The following MED13L variants were observed in gnomAD, a reference collection of about 807,000 sequenced individuals.
The protein encoded by MED13L is mediator complex subunit 13L.
A neutral mutation model predicts 220.9 loss-of-function variants in MED13L; 7 were observed. That is an observed-to-expected ratio of 0.03 (90% CI 0.02 to 0.06). The LOEUF (loss-of-function observed/expected upper bound fraction) is 0.06. MED13L is among the 10% of genes least tolerant of loss of function. The pLI is 1.00. For synonymous variants in MED13L, 1,011 were observed against 1,015.2 expected, an observed-to-expected ratio of 1.00 and a Z score of 0.08; for missense variants, 1,965 against 2,760.5, an observed-to-expected ratio of 0.71 and a Z score of 6.46.
chr12:116,263,267 T>TA (rs139278566), intron 1 of MED13L, among the ~76,000 whole-genome samples: 9,759 of 151,692 alleles, frequency 0.064, 405 homozygotes, highest in African/African-American at 0.11. Flanking sequence ...TTTTATTATG[T>TA]AAAAAAAACT....
At chr12:116,008,342 T>G in intron 10 of MED13L, 59 bp downstream of exon 10, 5 of 1,542,006 alleles carry the variant, frequency 3.2e-6, no homozygotes, top group Middle Eastern at 4.9e-4. Flanking sequence ...CAGGTAGAGA[T>G]GGGGAGGGAG....
intron 2 of MED13L, among the ~76,000 whole-genome samples, chr12:116,153,538 T>A (rs1270323166): frequency 6.6e-6 from 1 of 152,090 alleles, no homozygotes; most frequent in Non-Finnish European, 1.5e-5. Flanking sequence ...CCACATACAA[T>A]AAAGAATTAA....
intron 17 of MED13L, among the ~76,000 whole-genome samples, chr12:115,988,635 C>T (rs545393421): frequency 1.4e-4 from 22 of 152,326 alleles, no homozygotes; most frequent in African/African-American, 5.3e-4. Context: ...ATTCCTGTGC[C>T]TGCAAAATAG....
intron 1 of MED13L, among the ~76,000 whole-genome samples, chr12:116,268,613 T>A (rs550087285): frequency 6.3e-4 from 95 of 151,676 alleles, no homozygotes; most frequent in African/African-American, 2.2e-3. Flanking sequence ...AGTGAGACCC[T>A]ATCTCCCCTC....
At chr12:116,157,596 A>G (rs1001532686) in intron 2 of MED13L, among the ~76,000 whole-genome samples, 1 of 152,238 alleles carries the variant, frequency 6.6e-6, no homozygotes, top group African/African-American at 2.4e-5. Flanking sequence ...TGAGTGCAAG[A>G]GCACTATGCA....
At chr12:116,115,243 G>A (rs940376790) in intron 2 of MED13L, among the ~76,000 whole-genome samples, 3 of 152,088 alleles carry the variant, frequency 2.0e-5, no homozygotes, top group African/African-American at 7.2e-5. Context: ...CAAAAATTGA[G>A]CCACAAATTC....
At chr12:115,974,707 G>C (rs1185741448) in intron 25 of MED13L, among the ~76,000 whole-genome samples, 1 of 152,164 alleles carries the variant, frequency 6.6e-6, no homozygotes, top group Non-Finnish European at 1.5e-5. Flanking sequence ...GCAACTACTT[G>C]TCCTCATGAA....
chr12:116,233,739 G>C lies in MED13L; in HGVS notation c.310+3729C>G, dbSNP rs1869803268. Among the ~76,000 whole-genome samples, 7 of 152,156 alleles carry C rather than the reference G, an allele frequency of 4.6e-5. No homozygotes were observed. In the South Asian group the frequency reaches 1.5e-3, roughly 32 times the overall value. The stretch of plus-strand genomic sequence containing the variant: ...AGGCACAGTTTAAGTTAAATAATTA[G>C]ATCAAGAATACACAGCTAGTGACTA... On this transcript the variant is annotated intron_variant, in intron 2 of 30. Transcript: ENST00000281928.
chr12:116,009,814 G>A (rs1364992878), intron 9 of MED13L, among the ~76,000 whole-genome samples: 1 of 152,088 alleles, frequency 6.6e-6, no homozygotes, highest in Admixed American at 6.6e-5. Flanking sequence ...AACCAAGTCG[G>A]CTCACATCTT....
chr12:116,132,275 G>A (rs1306653394), intron 2 of MED13L, among the ~76,000 whole-genome samples: 13 of 118,334 alleles, frequency 1.1e-4, no homozygotes, highest in Non-Finnish European at 5.0e-5. Flanking sequence ...GCAATACTTC[G>A]TCTCAAAAAA....
rs1158441616 is a variant in MED13L, at chr12:116,176,524, A to ACTGGC, written c.310+60939_310+60943dup. Among the ~76,000 whole-genome samples, 4 of 152,308 alleles carry ACTGGC rather than the reference A, an allele frequency of 2.6e-5. No individual in the cohort carries two copies. The East Asian group carries it at 7.7e-4, about 29-fold the overall frequency. ...AAGCTGAATTTGATGAAGGCTAAGA[A>ACTGGC]CTGGCCTTGGACAGGGCCTTTGACT... On this transcript the variant is annotated intron_variant, in intron 2 of 30. Coordinates refer to ENST00000281928, the MANE Select transcript of MED13L (RefSeq NM_015335.5).
rs986289557 is a variant in MED13L, at chr12:115,959,125, C to A, written c.*2141G>T. On this transcript the variant is annotated 3_prime_UTR_variant, in exon 31 of 31. Transcript: ENST00000281928. ...ATATTTAAGGGAAATATTATACAGA[C>A]TTTTTCACACAGAAGTACATAATAA... 2 of 152,522 alleles carry A rather than the reference C, an allele frequency of 1.3e-5. No homozygotes were observed. Among genetic ancestry groups the A allele is most frequent in the South Asian group, 2.1e-4 (1 of 4,822 alleles). The allele number at this position is 152,522 out of a possible 1,614,324, so 9.4% of individuals were successfully genotyped here.
chr12:116,055,488 A>G (rs986910367), intron 4 of MED13L, among the ~76,000 whole-genome samples: 3 of 152,232 alleles, frequency 2.0e-5, no homozygotes, highest in Admixed American at 2.0e-4. Flanking sequence ...AGTTCTTTAA[A>G]TGGTACACAA....
intron 2 of MED13L, among the ~76,000 whole-genome samples, chr12:116,193,521 T>C (rs1272352512): frequency 6.6e-6 from 1 of 152,144 alleles, no homozygotes; most frequent in Non-Finnish European, 1.5e-5. Context: ...TCTAATTATT[T>C]TTCGGTATTT....
At chr12:116,255,489 C>G (rs1871966384) in intron 1 of MED13L, among the ~76,000 whole-genome samples, 1 of 152,098 alleles carries the variant, frequency 6.6e-6, no homozygotes, top group Non-Finnish European at 1.5e-5. Flanking sequence ...TGTCTTAGGA[C>G]ATGAAAAGTA....
intron 2 of MED13L, among the ~76,000 whole-genome samples, chr12:116,219,944 G>A (rs574131960): frequency 5.9e-5 from 9 of 151,978 alleles, no homozygotes; most frequent in East Asian, 3.9e-4. Context: ...TTACAGGTGC[G>A]CACCACCATG....
At chr12:116,220,555 C>T (rs1352100275) in intron 2 of MED13L, among the ~76,000 whole-genome samples, 1 of 152,124 alleles carries the variant, frequency 6.6e-6, no homozygotes, top group African/African-American at 2.4e-5. Flanking sequence ...AAAAATTTGC[C>T]AGGCATGGTG....
At position 115,983,483 on chromosome 12, in the gene MED13L, T is replaced by G; in HGVS notation, c.4589A>C (p.Gln1530Pro). The G allele has an allele frequency of 6.2e-7, 1 of 1,614,196 alleles. No homozygotes were observed. Among genetic ancestry groups the G allele is most frequent in the Non-Finnish European group, 8.5e-7 (1 of 1,180,022 alleles). Residue 1530 changes from glutamine to proline, a missense_variant, in exon 21 of 31, where the codon CAG becomes CCG. By Grantham distance (76) the Gln-to-Pro change is moderately conservative. Coordinates refer to ENST00000281928, the MANE Select transcript of MED13L (RefSeq NM_015335.5). ...DSSLLIPPKY[Q>P]TPPAAAQGQA... ...TCCCTGTGCTGCTGCTGGTGGGGTC[T>G]GGTATTTAGGTGGTATCAATAGGCT...
At chr12:116,062,468 GTCTCTC>G (rs746975088) in intron 4 of MED13L, among the ~76,000 whole-genome samples, 2 of 142,724 alleles carry the variant, frequency 1.4e-5, no homozygotes, top group East Asian at 2.1e-4. Context: ...ATAGAATAGT[GTCTCTC>G]TCTCTCTCTC....
Sources: gnomAD v4.1 joint callset for allele counts (sites outside exome capture counted in the v4.1 genomes callset) on GRCh38, gnomAD v4.1.1 for gene constraint, MANE v1.5 for transcripts, NCBI Gene and HGNC (gene_info 2026-07-23, HGNC 2026-07-21) for gene names.